Variants in OOSP4A observed in about 807,000 individuals in gnomAD.
The protein encoded by OOSP4A is oocyte-secreted protein 4A.
intron 2 of OOSP4A, 47 bp downstream of exon 2, chr11:59,965,760 T>C (rs1854092355): frequency 5.0e-6 from 2 of 397,974 alleles, no homozygotes; most frequent in South Asian, 2.6e-4. Context: ...TTTGACTGTT[T>C]TGGGTCCACA....
intron 4 of OOSP4A, 121 bp downstream of exon 4, chr11:59,969,405 T>C (rs1854134060): frequency 2.5e-6 from 1 of 396,040 alleles, no homozygotes; most frequent in Admixed American, 4.4e-5. Context: ...ATGATTTTAG[T>C]TCAGGATCAT....
chr11:59,967,228 G>T, intron 3 of OOSP4A, 64 bp downstream of exon 3: 1 of 396,222 alleles, frequency 2.5e-6, no homozygotes, highest in South Asian at 1.3e-4. Flanking sequence ...TAGGTGTTCT[G>T]ATCAGTTAAA....
exon 3 of OOSP4A, chr11:59,967,096 T>A (rs1854108970): frequency 2.5e-6 from 1 of 398,228 alleles, no homozygotes; most frequent in African/African-American, 2.1e-5. Flanking sequence ...TCATTGAAAG[T>A]TTAATTGTAT....
At chr11:59,965,781 TA>T (rs1421741101) in intron 2 of OOSP4A, 68 bp downstream of exon 2, 1 of 397,520 alleles carries the variant, frequency 2.5e-6, no homozygotes, top group Non-Finnish European at 4.4e-6. Context: ...AACCAATGAC[TA>T]AAACTGCAGT....
At chr11:59,968,681 C>A (rs1397578211) in intron 3 of OOSP4A, among the ~76,000 whole-genome samples, 1 of 152,176 alleles carries the variant, frequency 6.6e-6, no homozygotes, top group Non-Finnish European at 1.5e-5. Context: ...ATGTCAGCCT[C>A]TTGCTGTAGG....
intron 3 of OOSP4A, 103 bp downstream of exon 3, chr11:59,967,267 T>C (rs1252365758): frequency 5.1e-6 from 2 of 393,146 alleles, no homozygotes; most frequent in African/African-American, 2.1e-5. Context: ...AGGTTGGACA[T>C]TGGATCAAAT....
rs560291175 is a variant in OOSP4A, at chr11:59,966,918, T to A, written c.247-149T>A. 1.9e-5 allele frequency: 7 copies of A among 359,470 alleles called. No homozygotes were observed. In the East Asian group the frequency reaches 2.4e-4, roughly 12 times the overall value. 22.3% of individuals were successfully genotyped at this position (359,470 alleles called of 1,614,324 possible). A position where few individuals can be genotyped will look rare whatever the true frequency, so the allele number is the denominator to read the frequency against. ...TTTATCACTTAGCTCTGCTCTTCTA[T>A]TGTAGACCGTGCACTCATACCTATT... On this transcript the variant is annotated intron_variant, in intron 2 of 4. Coordinates refer to ENST00000645590, the Ensembl canonical transcript of OOSP4A.
intron 3 of OOSP4A, among the ~76,000 whole-genome samples, chr11:59,968,456 T>C (rs775047569): frequency 3.3e-5 from 5 of 152,240 alleles, no homozygotes; most frequent in Non-Finnish European, 5.9e-5. Context: ...GGTTGTTTTT[T>C]ATTCCAATAT....
intron 3 of OOSP4A, among the ~76,000 whole-genome samples, chr11:59,967,659 ATATC>A (rs1461806224): frequency 1.3e-5 from 2 of 151,236 alleles, no homozygotes; most frequent in Non-Finnish European, 2.9e-5. Flanking sequence ...TTTTATATAT[ATATC>A]TAATTTTTTT....
intron 1 of OOSP4A, 43 bp downstream of exon 1, chr11:59,964,142 G>C (rs1362111065): frequency 2.7e-6 from 1 of 370,912 alleles, no homozygotes; most frequent in African/African-American, 2.3e-5. Context: ...ATTTCAATCA[G>C]CAGGGCTTTT....
chr11:59,964,975 A>G (rs1308099850), intron 1 of OOSP4A, among the ~76,000 whole-genome samples: 2 of 152,040 alleles, frequency 1.3e-5, no homozygotes, highest in East Asian at 1.9e-4. Flanking sequence ...AACAATCCCT[A>G]AAAACAAAGT....
At chr11:59,967,192 G>A in intron 3 of OOSP4A, 28 bp downstream of exon 3, 1 of 397,760 alleles carries the variant, frequency 2.5e-6, no homozygotes, top group Non-Finnish European at 4.4e-6. Context: ...CTGAGATTAA[G>A]GCTATCTAAT....
rs368556525 is a variant in OOSP4A, at chr11:59,968,617, C to T, written c.345-533C>T. On this transcript the variant is annotated intron_variant, in intron 3 of 4. Transcript: ENST00000645590. ...TATGCCCTTTCTGTCCCCTTTTCTA[C>T]ACCTGCATGTCTCTCGTGTCATTCT... Among the ~76,000 whole-genome samples, 9 of 152,238 alleles carry T rather than the reference C, an allele frequency of 5.9e-5. No homozygotes were observed. In the South Asian group the frequency reaches 1.9e-3, roughly 31 times the overall value.
At chr11:59,968,421 A>G (rs1854123740) in intron 3 of OOSP4A, among the ~76,000 whole-genome samples, 1 of 152,256 alleles carries the variant, frequency 6.6e-6, no homozygotes, top group South Asian at 2.1e-4. Flanking sequence ...GTAGGCCTCC[A>G]CACAACCTGC....
At chr11:59,970,222 A>C (rs1156645129), downstream of OOSP4A, 1 of 395,348 alleles carries the variant, frequency 2.5e-6, no homozygotes, top group Non-Finnish European at 4.5e-6. Flanking sequence ...TTATCATTTC[A>C]AATGTGATAT....
In OOSP4A at chr11:59,969,207, C is replaced by CA; in HGVS notation, c.403dup (p.Arg135LysfsTer13). 1 of 398,764 alleles carries CA rather than the reference C, an allele frequency of 2.5e-6. No individual in the cohort carries two copies. The highest frequency in any genetic ancestry group is 1.3e-4 in the South Asian group (1 of 7,856). 24.7% of individuals were successfully genotyped at this position (398,764 alleles called of 1,614,324 possible). ...GAGAGAATGATAGCCGTCGTGAATG[C>CA]AGAAGGTCAGTGGGACAGCACCGCT... On this transcript the variant is annotated frameshift_variant, in exon 4 of 5. Coordinates refer to ENST00000645590, the Ensembl canonical transcript of OOSP4A. LOFTEE classifies it high-confidence loss of function.
chr11:59,965,167 G>A (rs1172832786), intron 1 of OOSP4A, among the ~76,000 whole-genome samples: 4 of 117,254 alleles, frequency 3.4e-5, no homozygotes, highest in Non-Finnish European at 5.2e-5. Context: ...GGAGGGGGGA[G>A]GGATAGCATT....
At chr11:59,966,834 A>G (rs970606621) in intron 2 of OOSP4A, among the ~76,000 whole-genome samples, 5 of 152,268 alleles carry the variant, frequency 3.3e-5, no homozygotes, top group Middle Eastern at 3.4e-3. Context: ...CTCAAGTGCC[A>G]AATACAATGT....
chr11:59,964,693 A>G (rs956706940), intron 1 of OOSP4A, among the ~76,000 whole-genome samples: 1 of 152,178 alleles, frequency 6.6e-6, no homozygotes, highest in South Asian at 2.1e-4. Flanking sequence ...AAGACCTCAA[A>G]CCAAAATTTA....
Sources: allele counts gnomAD v4.1 joint callset (sites outside exome capture counted in the v4.1 genomes callset), GRCh38; gene constraint gnomAD v4.1.1; transcripts MANE v1.5; gene names NCBI Gene and HGNC (gene_info 2026-07-23, HGNC 2026-07-21).